AGK: variants seen among roughly 807,000 people sequenced by gnomAD.
AGK encodes the protein acylglycerol kinase, mitochondrial.
A neutral mutation model predicts 66.4 loss-of-function variants in AGK; 52 were observed. That is an observed-to-expected ratio of 0.78 (90% CI 0.63 to 0.99). AGK has a LOEUF of 0.99. Among genes scored for constraint, AGK ranks in the 50% least tolerant of loss-of-function variants. The probability of loss-of-function intolerance (pLI) is 0.00; values close to 1 mark genes in which losing one functional copy is unlikely to be tolerated. For missense variants in AGK, 451 were observed against 506.6 expected (o/e 0.89, Z 1.05); for synonymous variants, 182 against 181.1 (o/e 1.00, Z -0.04).
intron 2 of AGK, among the ~76,000 whole-genome samples, chr7:141,557,529 G>C (rs1795237690): frequency 6.6e-6 from 1 of 152,214 alleles, no homozygotes; most frequent in East Asian, 1.9e-4. Flanking sequence ...ACGACTAGGT[G>C]AAGATTTGAG....
chr7:141,642,101 G>A (rs1411698429), intron 13 of AGK, among the ~76,000 whole-genome samples, 193 bp downstream of exon 13: 1 of 152,156 alleles, frequency 6.6e-6, no homozygotes, highest in East Asian at 1.9e-4. Flanking sequence ...TGCAGGAGTG[G>A]CATAAATGCT....
At chr7:141,582,919 A>G (rs945996891) in intron 2 of AGK, among the ~76,000 whole-genome samples, 21 of 151,776 alleles carry the variant, frequency 1.4e-4, no homozygotes, top group African/African-American at 4.9e-4. Flanking sequence ...TCCATAAAAA[A>G]GGAAGATTGG....
chr7:141,589,543 A>G (rs1796062600), intron 2 of AGK, among the ~76,000 whole-genome samples: 1 of 152,104 alleles, frequency 6.6e-6, no homozygotes, highest in Non-Finnish European at 1.5e-5. Context: ...CATTTTTGAT[A>G]TTAAACAAAG....
chr7:141,631,259 G>A (rs560062529), intron 9 of AGK, among the ~76,000 whole-genome samples: 1 of 152,314 alleles, frequency 6.6e-6, no homozygotes, highest in Admixed American at 6.5e-5. Flanking sequence ...AGGAGATAAT[G>A]TAGAGAAGGT....
intron 2 of AGK, among the ~76,000 whole-genome samples, chr7:141,566,303 T>C (rs1000538586): frequency 5.3e-5 from 8 of 152,260 alleles, no homozygotes; most frequent in African/African-American, 1.9e-4. Context: ...TCTTCTGTTA[T>C]AAGACTCTAC....
At position 141,655,214 on chromosome 7, in the gene AGK, A is replaced by G. The variant is rs886788726; in HGVS notation, c.*2290A>G. 1.2e-4 allele frequency: 19 copies of G among 152,212 alleles called. No homozygotes were observed. The highest frequency in any genetic ancestry group is 4.1e-4 in the African/African-American group (17 of 41,448). The allele number at this position is 152,212 out of a possible 1,614,324, so 9.4% of individuals were successfully genotyped here. A position where few individuals can be genotyped will look rare whatever the true frequency, so the allele number is the denominator to read the frequency against. ...TGGAAGCCACTTTAGAATCTTATTC[A>G]TTTTTAAATATAAATATGCCTTGTT... On this transcript the variant is annotated 3_prime_UTR_variant, in exon 16 of 16. Transcript: ENST00000649286.
At chr7:141,620,256 GT>G (rs1215834005) in intron 8 of AGK, among the ~76,000 whole-genome samples, 1 of 152,144 alleles carries the variant, frequency 6.6e-6, no homozygotes, top group Non-Finnish European at 1.5e-5. Flanking sequence ...CATGGTGATA[GT>G]TATATGACTG....
intron 2 of AGK, chr7:141,561,967 C>G: frequency 2.2e-6 from 1 of 445,614 alleles, no homozygotes; most frequent in South Asian, 1.6e-5. Context: ...ATAGCGGGCT[C>G]TAGGCTGGTG....
At chr7:141,612,175 A>T (rs1796602601) in intron 6 of AGK, among the ~76,000 whole-genome samples, 1 of 152,234 alleles carries the variant, frequency 6.6e-6, no homozygotes, top group Admixed American at 6.5e-5. Flanking sequence ...CCATGAAAAG[A>T]CATGGAGGAA....
rs762680550 is a variant in AGK, at chr7:141,601,240, C to G, written c.257C>G (p.Pro86Arg). Residue 86 changes from proline to arginine, a missense_variant, in exon 5 of 16, where the codon CCG becomes CGG. Transcript: ENST00000649286. ...ARTLFEKNAA[P>R]ILHLSGMDVT... ...ACTCTATTTGAAAAAAATGCTGCCCCGATTTTACATTTATCTGGCATGGAT... is the reference window on the plus strand; with the variant it reads ...ACTCTATTTGAAAAAAATGCTGCCCGGATTTTACATTTATCTGGCATGGAT... 8.1e-6 allele frequency: 13 copies of G among 1,612,610 alleles called. No homozygotes were observed. The highest frequency in any genetic ancestry group is 4.0e-5 in the African/African-American group (3 of 74,802).
intron 4 of AGK, among the ~76,000 whole-genome samples, chr7:141,597,890 C>CAAAA (rs56295907): frequency 7.3e-3 from 520 of 71,120 alleles, no homozygotes; most frequent in African/African-American, 0.01. Flanking sequence ...GACTCTGTCT[C>CAAAA]AAAAAAAAAA....
chr7:141,641,313 A>G lies in AGK; in HGVS notation c.792A>G (p.Glu264=). ...GACCTACAGAGAGACCTCCCAATGAACCAGAGGAGACCCCTGTACAAAGGC... is the reference window on the plus strand; with the variant it reads ...GACCTACAGAGAGACCTCCCAATGAGCCAGAGGAGACCCCTGTACAAAGGC... The part of the protein sequence containing the change: ...YTGPTERPPN[E]PEETPVQRPS... Residue 264 remains glutamate (E), a synonymous_variant, in exon 12 of 16, where the codon GAA becomes GAG. Coordinates refer to ENST00000649286, the MANE Select transcript of AGK (RefSeq NM_018238.4). The G allele has an allele frequency of 1.2e-6, 2 of 1,613,954 alleles. No homozygotes were observed. The highest frequency in any genetic ancestry group is 2.2e-5 in the East Asian group (1 of 44,872).
chr7:141,560,629 CCT>C (rs992793700), intron 2 of AGK, among the ~76,000 whole-genome samples: 13 of 151,958 alleles, frequency 8.6e-5, no homozygotes, highest in Non-Finnish European at 1.8e-4. Context: ...CACCTTTCCC[CCT>C]GAGTCCCCAA....
intron 9 of AGK, 135 bp from the exon 10 acceptor site, chr7:141,633,766 C>A: frequency 2.8e-6 from 2 of 719,072 alleles, no homozygotes; most frequent in East Asian, 2.6e-5. Flanking sequence ...GGGTTAATGT[C>A]TTTAATGTTT....
At chr7:141,632,239 A>C (rs964179271) in intron 9 of AGK, among the ~76,000 whole-genome samples, 1 of 150,926 alleles carries the variant, frequency 6.6e-6, no homozygotes, top group African/African-American at 2.4e-5. Flanking sequence ...CTAAAAAAAA[A>C]AAAAACAAAA....
chr7:141,551,548 C>T (rs1795083604), intron 1 of AGK, 114 bp downstream of exon 1: 1 of 152,702 alleles, frequency 6.5e-6, no homozygotes, highest in African/African-American at 2.4e-5. Context: ...CCTCTGGAGT[C>T]GCGCTGGGCC....
intron 10 of AGK, among the ~76,000 whole-genome samples, chr7:141,634,412 C>T (rs1186762646): frequency 6.6e-6 from 1 of 152,148 alleles, no homozygotes; most frequent in Non-Finnish European, 1.5e-5. Flanking sequence ...GTGAAGGCCT[C>T]GCAGATTGGG....
intron 2 of AGK, among the ~76,000 whole-genome samples, chr7:141,587,864 C>G (rs1046552028): frequency 2.6e-5 from 4 of 152,216 alleles, no homozygotes; most frequent in Admixed American, 2.0e-4. Context: ...GTCCAAGACA[C>G]CCAGCACAGT....
intron 2 of AGK, among the ~76,000 whole-genome samples, chr7:141,574,791 G>GCA (rs1380859353): frequency 6.6e-6 from 1 of 152,232 alleles, no homozygotes; most frequent in East Asian, 1.9e-4. Context: ...GCATAGAAGT[G>GCA]TAGAGTACAG....
Sources: allele counts gnomAD v4.1 joint callset (sites outside exome capture counted in the v4.1 genomes callset), GRCh38; gene constraint gnomAD v4.1.1; transcripts MANE v1.5; gene names NCBI Gene and HGNC (gene_info 2026-07-23, HGNC 2026-07-21).